The following GRAMD1B variants were observed in gnomAD, a reference collection of about 807,000 sequenced individuals.
GRAMD1B encodes protein Aster-B.
GRAMD1B carries 37 observed loss-of-function variants against 99.7 expected under a neutral mutation model. That is an observed-to-expected ratio of 0.37 (90% CI 0.29 to 0.49). The LOEUF is 0.49. Ranked by LOEUF, GRAMD1B falls within the 20% of genes least tolerant of loss-of-function variation. The probability of loss-of-function intolerance (pLI) is 0.98; values close to 1 mark genes in which losing one functional copy is unlikely to be tolerated. For synonymous variants in GRAMD1B, 427 were observed against 387.6 expected (o/e 1.10, Z -1.19); for missense variants, 888 against 1,009.2 (o/e 0.88, Z 1.63).
At chr11:123,422,316 T>C (rs1039062929) in intron 1 of GRAMD1B, among the ~76,000 whole-genome samples, 6 of 152,232 alleles carry the variant, frequency 3.9e-5, no homozygotes, top group African/African-American at 1.4e-4. Flanking sequence ...CAGAATTGCA[T>C]AGAGGTGAAT....
At chr11:123,437,740 C>T (rs747848410) in intron 1 of GRAMD1B, among the ~76,000 whole-genome samples, 3 of 152,164 alleles carry the variant, frequency 2.0e-5, no homozygotes, top group Non-Finnish European at 4.4e-5. Flanking sequence ...GCCTAGCTGG[C>T]GTGTGGTTTG....
At chr11:123,377,579 C>T (rs573410852) in intron 1 of GRAMD1B, among the ~76,000 whole-genome samples, 4 of 152,208 alleles carry the variant, frequency 2.6e-5, no homozygotes, top group African/African-American at 7.2e-5. Flanking sequence ...ACAAGGAGGC[C>T]GGCTGGAAGG....
chr11:123,482,123 G>A (rs891875657), intron 2 of GRAMD1B, among the ~76,000 whole-genome samples: 1 of 150,902 alleles, frequency 6.6e-6, no homozygotes, highest in African/African-American at 2.4e-5. Context: ...TTCTGAGACA[G>A]AATCTCGCTC....
At chr11:123,370,599 G>A (rs537826248) in intron 1 of GRAMD1B, among the ~76,000 whole-genome samples, 10 of 152,046 alleles carry the variant, frequency 6.6e-5, no homozygotes, top group African/African-American at 2.2e-4. Flanking sequence ...CTCAGCCTCC[G>A]AAAGTGCTGG....
intron 2 of GRAMD1B, chr11:123,560,666 C>T (rs1455369540): frequency 6.6e-6 from 3 of 453,862 alleles, no homozygotes; most frequent in African/African-American, 6.2e-5. Flanking sequence ...AGTGCTAACT[C>T]GTGCTGACGC....
intron 1 of GRAMD1B, among the ~76,000 whole-genome samples, chr11:123,388,940 G>A (rs935495221): frequency 2.6e-5 from 4 of 152,104 alleles, no homozygotes; most frequent in African/African-American, 4.8e-5. Flanking sequence ...AAGACATTCA[G>A]TCCGGGGATC....
At chr11:123,476,997 C>T (rs1288424220) in intron 1 of GRAMD1B, among the ~76,000 whole-genome samples, 1 of 152,140 alleles carries the variant, frequency 6.6e-6, no homozygotes, top group Non-Finnish European at 1.5e-5. Context: ...TGATTCTAAG[C>T]ACTTTGAGAG....
rs1194170275 is a variant in GRAMD1B, at chr11:123,510,224, T to A, written c.452+29331T>A. On this transcript the variant is annotated intron_variant, in intron 2 of 19. Transcript: ENST00000635736. The surrounding 1 kb of genome is among the most constrained non-coding windows in gnomAD (Gnocchi z 4.3). ...AGCTGCTGACCTTCTCCCTTCCTGC[T>A]CCCCCCGGCTCTTGCTCATTACCTG... Among the ~76,000 whole-genome samples the A allele has an allele frequency of 6.6e-6, 1 of 151,638 alleles. No homozygotes were observed. The highest frequency in any genetic ancestry group is 1.5e-5 in the Non-Finnish European group (1 of 67,900).
At chr11:123,607,632 G>A (rs1952914693) in intron 11 of GRAMD1B, among the ~76,000 whole-genome samples, 1 of 152,214 alleles carries the variant, frequency 6.6e-6, no homozygotes, top group Non-Finnish European at 1.5e-5. Context: ...AAACTAAGGT[G>A]TGAATACCCG....
chr11:123,380,865 T>A (rs1946848621), intron 1 of GRAMD1B, among the ~76,000 whole-genome samples: 2 of 152,298 alleles, frequency 1.3e-5, no homozygotes, highest in South Asian at 2.1e-4. Flanking sequence ...ACAGTTTGGT[T>A]TTTTTATGTA....
chr11:123,420,929 G>T (rs546140188), intron 1 of GRAMD1B, among the ~76,000 whole-genome samples: 34 of 152,308 alleles, frequency 2.2e-4, no homozygotes, highest in African/African-American at 7.5e-4. Flanking sequence ...AATCTTAGGT[G>T]AATCTGAAAA....
In GRAMD1B at chr11:123,608,747, C is replaced by T. The variant is rs1254150810; in HGVS notation, c.1602C>T (p.Leu534=). 6.4e-7 allele frequency: 1 copy of T among 1,553,198 alleles called. No homozygotes were observed. Among genetic ancestry groups the T allele is most frequent in the Non-Finnish European group, 8.7e-7 (1 of 1,147,688 alleles). ...FNFSVDKLYD[L]LFTNSPFQRD... The stretch of plus-strand genomic sequence containing the variant: ...TCAGCGTGGACAAGCTCTATGACCT[C>T]CTCTTCACCAACTCGCCCTTCCAGC... Residue 534 remains leucine, a synonymous_variant, in exon 12 of 20, where the codon CTC becomes CTT. Transcript: ENST00000635736.
In GRAMD1B at chr11:123,591,230, C is replaced by T; in HGVS notation, c.685-2852C>T. On this transcript the variant is annotated intron_variant, in intron 4 of 19. Coordinates refer to ENST00000635736, the MANE Select transcript of GRAMD1B (RefSeq NM_001387025.1). The surrounding 1 kb of genome is among the most constrained non-coding windows in gnomAD (Gnocchi z 4.7). ...CATGCTGGGCATGCAGCTCTAGGAGCAGAAAGGACACCTGTCAGAGTCACA... is the reference window on the plus strand; with the variant it reads ...CATGCTGGGCATGCAGCTCTAGGAGTAGAAAGGACACCTGTCAGAGTCACA... 2.5e-6 allele frequency: 1 copy of T among 393,176 alleles called. No individual in the cohort carries two copies. Among genetic ancestry groups the T allele is most frequent in the Non-Finnish European group, 4.5e-6 (1 of 222,944 alleles). The allele number at this position is 393,176 out of a possible 1,614,324, so 24.4% of individuals were successfully genotyped here.
At chr11:123,381,057 A>G (rs1220485638) in intron 1 of GRAMD1B, among the ~76,000 whole-genome samples, 1 of 151,892 alleles carries the variant, frequency 6.6e-6, no homozygotes, top group Non-Finnish European at 1.5e-5. Context: ...GAGGTAGGGG[A>G]TTCTTGAATA....
intron 1 of GRAMD1B, among the ~76,000 whole-genome samples, chr11:123,397,913 A>G (rs1947523804): frequency 6.6e-6 from 1 of 152,232 alleles, no homozygotes; most frequent in Admixed American, 6.5e-5. Flanking sequence ...TGCAAATAAC[A>G]GTAGCTTGTT....
At position 123,623,628 on chromosome 11, in the gene GRAMD1B, C is replaced by G. The variant is rs1955337985; in HGVS notation, c.*1033C>G. ...GGGTGCAGGGTCTACCCACAGAACA[C>G]TGTGAGTGGTGAGCACCAAGATGGG... On this transcript the variant is annotated 3_prime_UTR_variant, in exon 20 of 20. Transcript: ENST00000635736. The G allele has an allele frequency of 6.6e-6, 1 of 152,258 alleles. No individual in the cohort carries two copies. The highest frequency in any genetic ancestry group is 2.4e-5 in the African/African-American group (1 of 41,434). The allele number at this position is 152,258 out of a possible 1,614,324, so 9.4% of individuals were successfully genotyped here. A position where few individuals can be genotyped will look rare whatever the true frequency, so the allele number is the denominator to read the frequency against.
At position 123,522,519 on chromosome 11, in the gene GRAMD1B, A is replaced by T. The variant is rs192885316; in HGVS notation, c.452+41626A>T. Among the ~76,000 whole-genome samples the T allele has an allele frequency of 2.0e-4, 30 of 152,160 alleles. No homozygotes were observed. In the South Asian group the frequency reaches 5.6e-3, roughly 28 times the overall value. On this transcript the variant is annotated intron_variant, in intron 2 of 19. Coordinates refer to ENST00000635736, the MANE Select transcript of GRAMD1B (RefSeq NM_001387025.1). Reference sequence around the variant, plus strand: ...TTTTTAATAGAGACAGGCTTTCACCATGTTGGCAAGGCTGGTTTCGAACTC... The same window carrying T: ...TTTTTAATAGAGACAGGCTTTCACCTTGTTGGCAAGGCTGGTTTCGAACTC...
intron 8 of GRAMD1B, among the ~76,000 whole-genome samples, chr11:123,601,786 A>G (rs963447718): frequency 6.6e-6 from 1 of 152,186 alleles, no homozygotes; most frequent in Non-Finnish European, 1.5e-5. Flanking sequence ...TTGAGTTTTC[A>G]GTTCACAGCT....
chr11:123,408,525 G>A (rs2135956621), intron 1 of GRAMD1B, among the ~76,000 whole-genome samples: 1 of 152,350 alleles, frequency 6.6e-6, no homozygotes, highest in East Asian at 1.9e-4. Flanking sequence ...GAGTTGATGT[G>A]TAAATGGATG....
Sources: gnomAD v4.1 joint callset for allele counts (sites outside exome capture counted in the v4.1 genomes callset) on GRCh38, gnomAD v4.1.1 for gene constraint, Gnocchi (gnomAD v3.1) non-coding constraint, MANE v1.5 for transcripts, NCBI Gene and HGNC (gene_info 2026-07-23, HGNC 2026-07-21) for gene names.